Variants in SPACA6 observed in about 807,000 individuals in gnomAD.
The protein encoded by SPACA6 is sperm acrosome associated 6.
For synonymous variants in SPACA6, 6 were observed against 1.5 expected (o/e 4.05, Z -2.21); for missense variants, 8 against 2.8 (o/e 2.88, Z -1.34).
At chr19:51,702,994 C>T in intron 4 of SPACA6, 27 bp from the exon 5 acceptor site, 2 of 399,206 alleles carry the variant, frequency 5.0e-6, no homozygotes. Flanking sequence ...GCAGGTGGCG[C>T]CTAGACCCAG....
At chr19:51,684,152 A>G (rs1337300770), upstream of SPACA6, among the ~76,000 whole-genome samples, 1 of 152,150 alleles carries the variant, frequency 6.6e-6, no homozygotes, top group Non-Finnish European at 1.5e-5. Flanking sequence ...AAGGAGGGGC[A>G]TCAGTGCTTG....
intron 2 of SPACA6, among the ~76,000 whole-genome samples, chr19:51,697,919 C>T (rs1011461069): frequency 2.0e-5 from 3 of 152,186 alleles, no homozygotes; most frequent in Non-Finnish European, 4.4e-5. Flanking sequence ...CCACCTCAAA[C>T]TTGGAGATGG....
intron 2 of SPACA6, among the ~76,000 whole-genome samples, chr19:51,710,445 G>T (rs2083536609): frequency 6.6e-6 from 1 of 152,208 alleles, no homozygotes; most frequent in Non-Finnish European, 1.5e-5. Flanking sequence ...CTGGGAGGAT[G>T]AAGTTCTGTT....
At chr19:51,685,119 T>C (rs938371262), upstream of SPACA6, among the ~76,000 whole-genome samples, 1 of 152,228 alleles carries the variant, frequency 6.6e-6, no homozygotes, top group Non-Finnish European at 1.5e-5. Flanking sequence ...GGTGTCCTCC[T>C]GTCTACCAGT....
chr19:51,693,556 C>T lies in SPACA6; in HGVS notation c.30C>T (p.Val10=), dbSNP rs966034440. Residue 10 remains valine (V), a synonymous_variant, in exon 1 of 9, where the codon GTC becomes GTT. Transcript: ENST00000637797. MALLALASA[V]PSALLALAVF... ...CCCTGCTGGCTCTGGCCAGTGCCGT[C>T]CCGTCTGCCCTGCTGGCCCTGGCTG... is the stretch of plus-strand genomic sequence containing the variant. The T allele has an allele frequency of 2.2e-6, 1 of 461,714 alleles. No individual in the cohort carries two copies. The highest frequency in any genetic ancestry group is 3.9e-6 in the Non-Finnish European group (1 of 254,582). 28.6% of individuals were successfully genotyped at this position (461,714 alleles called of 1,614,324 possible).
At chr19:51,694,366 G>T in intron 1 of SPACA6, 112 bp from the exon 2 acceptor site, 1 of 395,770 alleles carries the variant, frequency 2.5e-6, no homozygotes, top group Non-Finnish European at 4.5e-6. Flanking sequence ...AGTCAGAGAG[G>T]GGAGGATACA....
intron 2 of SPACA6, among the ~76,000 whole-genome samples, chr19:51,711,070 A>G (rs1034778050): frequency 6.6e-6 from 1 of 152,148 alleles, no homozygotes; most frequent in Non-Finnish European, 1.5e-5. Context: ...ACAGAGCAAG[A>G]CCCTATCTCA....
At chr19:51,702,234 T>C (rs945313367) in intron 3 of SPACA6, among the ~76,000 whole-genome samples, 2 of 151,700 alleles carry the variant, frequency 1.3e-5, no homozygotes, top group African/African-American at 4.8e-5. Flanking sequence ...TTTCCGGGAC[T>C]ACTACTAACC....
the SPACA6 span, among the ~76,000 whole-genome samples, chr19:51,682,745 A>C: frequency 6.6e-6 from 1 of 152,216 alleles, no homozygotes; most frequent in Admixed American, 6.5e-5. Context: ...TGAGCAGCTT[A>C]AAACAACAGA....
At chr19:51,692,777 G>C (rs2083386672), upstream of SPACA6, 1 of 534,338 alleles carries the variant, frequency 1.9e-6, no homozygotes, top group South Asian at 1.4e-5. This position sits in a 1 kb window ranked among gnomAD's most constrained non-coding sequence, Gnocchi z 5.6. Context: ...CTGTCCACCT[G>C]CCGCGCCCCC....
downstream of SPACA6, among the ~76,000 whole-genome samples, chr19:51,707,119 G>A (rs1418800858): frequency 6.6e-6 from 1 of 152,090 alleles, no homozygotes; most frequent in African/African-American, 2.4e-5. Flanking sequence ...GTATTTTCAA[G>A]GCACTGTAGA....
rs539913358 is a variant in SPACA6 at position 51,704,394 on chromosome 19, C to T, written c.855C>T (p.Ala285=). The stretch of plus-strand genomic sequence containing the variant: ...GGCCCAGCCTGGGCGAGCTGCTGGC[C>T]AGGCCCGAGGCTCTGACGCCCAGCA... ...PWRPSLGELL[A]RPEALTPSNL... Residue 285 remains alanine (A), a synonymous_variant, in exon 8 of 9, where the codon GCC becomes GCT. Transcript: ENST00000637797. The T allele has an allele frequency of 4.8e-4, 194 of 401,218 alleles. No individual in the cohort carries two copies. Among genetic ancestry groups the T allele is most frequent in the African/African-American group, 3.8e-3 (187 of 48,836 alleles). 24.9% of individuals were successfully genotyped at this position (401,218 alleles called of 1,614,324 possible). A position where few individuals can be genotyped will look rare whatever the true frequency, so the allele number is the denominator to read the frequency against.
At chr19:51,686,440 G>A (rs900094396), upstream of SPACA6, 1 of 152,242 alleles carries the variant, frequency 6.6e-6, no homozygotes, top group African/African-American at 2.4e-5. Flanking sequence ...CCAGGACAAG[G>A]ACTGTGATGT....
rs1220164143 is a variant in SPACA6, at chr19:51,703,514, G to A, written c.573+177G>A. ...CTCGAAGATCAGAATGCAGGACCAA[G>A]GACCTGGGGCGATGGCTCACGCCTG... On this transcript the variant is annotated intron_variant, in intron 6 of 8. Transcript: ENST00000637797. This position sits in a 1 kb window ranked among gnomAD's most constrained non-coding sequence, Gnocchi z 4.2. 6.6e-6 allele frequency among the ~76,000 whole-genome samples: 1 copy of A among 152,160 alleles called. No homozygotes were observed. Among genetic ancestry groups the A allele is most frequent in the Non-Finnish European group, 1.5e-5 (1 of 68,030 alleles).
intron 2 of SPACA6, among the ~76,000 whole-genome samples, chr19:51,700,244 ACT>A (rs1303088762): frequency 1.3e-5 from 2 of 152,116 alleles, no homozygotes; most frequent in African/African-American, 2.4e-5. Flanking sequence ...ACAGAGCGAG[ACT>A]CTATCTCAAA....
At chr19:51,694,414 C>T (rs1034186883) in intron 1 of SPACA6, 64 bp from the exon 2 acceptor site, 2 of 397,912 alleles carry the variant, frequency 5.0e-6, no homozygotes, top group African/African-American at 4.1e-5. Flanking sequence ...AGAATGTTCG[C>T]ATTAGGGACA....
chr19:51,685,653 A>C (rs532949461), upstream of SPACA6: 2 of 152,236 alleles, frequency 1.3e-5, no homozygotes, highest in Admixed American at 6.5e-5. Context: ...CTGGGAGAAG[A>C]AGCATGCATC....
At chr19:51,710,029 G>A (rs111841097), downstream of SPACA6, among the ~76,000 whole-genome samples, 8 of 152,326 alleles carry the variant, frequency 5.3e-5, 1 homozygote, top group African/African-American at 1.9e-4. Flanking sequence ...TGACCTGTGC[G>A]ACTGAGGAAC....
chr19:51,684,722 CA>C (rs1026032326), upstream of SPACA6, among the ~76,000 whole-genome samples: 1 of 151,488 alleles, frequency 6.6e-6, no homozygotes, highest in Non-Finnish European at 1.5e-5. Flanking sequence ...AAAAAATTTG[CA>C]AAAAAAACCC....
Sources: gnomAD v4.1 joint callset for allele counts (sites outside exome capture counted in the v4.1 genomes callset) on GRCh38, gnomAD v4.1.1 for gene constraint, Gnocchi (gnomAD v3.1) non-coding constraint, MANE v1.5 for transcripts, NCBI Gene and HGNC (gene_info 2026-07-23, HGNC 2026-07-21) for gene names.